Variants in RBM25 observed in about 807,000 individuals in gnomAD.
RBM25 encodes the protein RNA-binding protein 25.
A neutral mutation model predicts 120.7 loss-of-function variants in RBM25; 19 were observed. The ratio of observed to expected loss-of-function variants is 0.16; its 90% confidence interval spans 0.11 to 0.23. The LOEUF is 0.23. Among genes scored for constraint, RBM25 ranks in the 10% least tolerant of loss-of-function variants. RBM25 has a pLI of 1.00. For synonymous variants in RBM25, 390 were observed against 326.7 expected, an observed-to-expected ratio of 1.19 and a Z score of -2.09; for missense variants, 605 against 1,041.5, an observed-to-expected ratio of 0.58 and a Z score of 5.77.
chr14:73,070,759 C>T (rs1895267845), intron 1 of RBM25, among the ~76,000 whole-genome samples: 1 of 151,956 alleles, frequency 6.6e-6, no homozygotes, highest in Non-Finnish European at 1.5e-5. Context: ...CCATCTTGGC[C>T]AACATGGTGA....
At chr14:73,072,133 G>A (rs61985128) in intron 2 of RBM25, among the ~76,000 whole-genome samples, 1 of 151,988 alleles carries the variant, frequency 6.6e-6, no homozygotes, top group Non-Finnish European at 1.5e-5. Context: ...CACCATGCCT[G>A]GCTAAGTTTT....
At position 73,094,616 on chromosome 14, in the gene RBM25, A is replaced by G. The variant is rs184540438; in HGVS notation, c.544-2299A>G. Among the ~76,000 whole-genome samples the G allele has an allele frequency of 5.3e-5, 8 of 151,882 alleles. No homozygotes were observed. In the East Asian group the frequency reaches 1.6e-3, roughly 30 times the overall value. ...CCGGCTAATTTTTTGTGTTTTTAGT[A>G]GAGACGGGGTTTCACCATGTTAGCC... is the stretch of plus-strand genomic sequence containing the variant. On this transcript the variant is annotated intron_variant, in intron 6 of 18. Transcript: ENST00000261973.
intron 5 of RBM25, among the ~76,000 whole-genome samples, chr14:73,084,059 G>A (rs149805583): frequency 0.041 from 6,219 of 151,980 alleles, 233 homozygotes; most frequent in East Asian, 0.2. Context: ...CACCATGCCC[G>A]GCTAATTTTT....
intron 14 of RBM25, among the ~76,000 whole-genome samples, chr14:73,110,304 G>C (rs214290): frequency 0.71 from 107,277 of 151,826 alleles, 38,380 homozygotes; most frequent in East Asian, 0.86. Flanking sequence ...CCTCTACCTC[G>C]TGAGTATCTG....
At chr14:73,109,313 A>T (rs1158113147) in intron 13 of RBM25, 29 bp from the exon 14 acceptor site, 1 of 1,600,930 alleles carries the variant, frequency 6.2e-7, no homozygotes, top group Admixed American at 1.7e-5. Context: ...GGAGTATTAA[A>T]TGAAGCCTTT....
At chr14:73,061,628 G>A (rs1250744861) in intron 1 of RBM25, among the ~76,000 whole-genome samples, 1 of 151,188 alleles carries the variant, frequency 6.6e-6, no homozygotes, top group Non-Finnish European at 1.5e-5. Context: ...GGGCAGTGCT[G>A]CGATCTTGGC....
In RBM25 at chr14:73,111,650, C is replaced by A. The variant is rs1319317032; in HGVS notation, c.2140C>A (p.Pro714Thr). Reference sequence around the variant, plus strand: ...CGTACCCCGAAAAAGGAAACTGGTTCCCTTGGATTATGGTGAAGATGATAA... The same window carrying A: ...CGTACCCCGAAAAAGGAAACTGGTTACCTTGGATTATGGTGAAGATGATAA... ...DDVPRKRKLV[P>T]LDYGEDDKNA... The change falls in exon 16 of 19, where the codon CCC becomes ACC. Residue 714 changes from proline to threonine, a missense_variant. Around this residue, in one of 4 missense-constraint regions of RBM25, gnomAD observed 465 missense variants for 741.6 expected, o/e 0.63. Coordinates refer to ENST00000261973, the MANE Select transcript of RBM25 (RefSeq NM_021239.3). 1 of 1,614,072 alleles carries A rather than the reference C, an allele frequency of 6.2e-7. No homozygotes were observed. The highest frequency in any genetic ancestry group is 1.7e-5 in the Admixed American group (1 of 60,006).
chr14:73,103,325 A>G lies in RBM25; in HGVS notation c.1001A>G (p.Glu334Gly). 1 of 1,587,512 alleles carries G rather than the reference A, an allele frequency of 6.3e-7. No individual in the cohort carries two copies. Among genetic ancestry groups the G allele is most frequent in the Non-Finnish European group, 8.6e-7 (1 of 1,165,556 alleles). Reference sequence around the variant, plus strand: ...GAACGAGAAAGGGAAAGAGAACGTGAACGAGAAAAGGAGAAAGAACGGGAG... The same window carrying G: ...GAACGAGAAAGGGAAAGAGAACGTGGACGAGAAAAGGAGAAAGAACGGGAG... ...ERERERERER[E>G]REKEKERERE... is the part of the protein sequence containing the mutation. Residue 334 changes from glutamate to glycine, a missense_variant, in exon 10 of 19, where the codon GAA becomes GGA. Physicochemically the swap from Glu to Gly is moderately conservative, Grantham distance 98 (BLOSUM62 -2). This residue lies in a region of RBM25 where 465 missense variants were observed against 741.6 expected (regional missense o/e 0.63). Transcript: ENST00000261973.
chr14:73,109,366 G>A lies in RBM25; in HGVS notation c.1566G>A (p.Leu522=). 1 of 1,613,998 alleles carries A rather than the reference G, an allele frequency of 6.2e-7. No individual in the cohort carries two copies. The highest frequency in any genetic ancestry group is 8.5e-7 in the Non-Finnish European group (1 of 1,179,938). The part of the protein sequence containing the change: ...YYRGSALQKR[L]RDREKEMEAD... ...GAGGAAGTGCTCTTCAGAAAAGGTT[G>A]CGTGATAGAGAAAAGGAAATGGAAG... is the stretch of plus-strand genomic sequence containing the variant. Residue 522 remains leucine (L), a synonymous_variant, in exon 14 of 19, where the codon TTG becomes TTA. Coordinates refer to ENST00000261973, the MANE Select transcript of RBM25 (RefSeq NM_021239.3).
At chr14:73,062,441 C>T (rs1206884725) in intron 1 of RBM25, among the ~76,000 whole-genome samples, 2 of 151,256 alleles carry the variant, frequency 1.3e-5, no homozygotes, top group East Asian at 3.8e-4. Context: ...AAATTTGGCA[C>T]GTAGTGTACT....
Position 73,106,264 on chromosome 14 carries a change from A to G in RBM25, c.1446A>G (p.Glu482=). Residue 482 remains glutamate (E), a synonymous_variant, in exon 12 of 19, where the codon GAA becomes GAG. Coordinates refer to ENST00000261973, the MANE Select transcript of RBM25 (RefSeq NM_021239.3). ...AATATGAGAAAGAAGCTGAAAGAGA[A>G]GAAGAAAGAAGAAGAGAAATGGTAA... ...TREYEKEAER[E]EERRREMAKE... is the part of the protein sequence containing the mutation. 6.3e-7 allele frequency: 1 copy of G among 1,595,710 alleles called. No individual in the cohort carries two copies. The highest frequency in any genetic ancestry group is 1.2e-5 in the South Asian group (1 of 86,484).
At chr14:73,085,343 C>T (rs763175284) in intron 5 of RBM25, among the ~76,000 whole-genome samples, 1 of 139,796 alleles carries the variant, frequency 7.2e-6, no homozygotes, top group African/African-American at 2.5e-5. Flanking sequence ...TTGAAGAATT[C>T]TGTCATTCTT....
intron 2 of RBM25, among the ~76,000 whole-genome samples, chr14:73,072,670 C>T (rs1843147543): frequency 1.3e-5 from 2 of 152,222 alleles, no homozygotes; most frequent in Admixed American, 6.5e-5. Context: ...ATTGCTTATG[C>T]TGGGTGTGGT....
At chr14:73,067,663 G>T (rs942912529) in intron 1 of RBM25, among the ~76,000 whole-genome samples, 2 of 150,622 alleles carry the variant, frequency 1.3e-5, no homozygotes, top group Non-Finnish European at 3.0e-5. Context: ...GAGTGCAGTG[G>T]CGCGATCTTG....
chr14:73,117,227 T>A (rs1313879046), intron 18 of RBM25, among the ~76,000 whole-genome samples: 1 of 119,594 alleles, frequency 8.4e-6, no homozygotes, highest in African/African-American at 3.2e-5. Flanking sequence ...TTTTTTTTTT[T>A]TTTTTTTTTT....
At chr14:73,115,079 A>T (rs950789789) in intron 18 of RBM25, among the ~76,000 whole-genome samples, 1 of 152,118 alleles carries the variant, frequency 6.6e-6, no homozygotes, top group African/African-American at 2.4e-5. Flanking sequence ...TAATGGAGGT[A>T]GAGGAGATAG....
At chr14:73,069,183 C>T (rs149582636) in intron 1 of RBM25, among the ~76,000 whole-genome samples, 20 of 152,308 alleles carry the variant, frequency 1.3e-4, no homozygotes, top group Admixed American at 3.3e-4. Flanking sequence ...GGATTGCAGA[C>T]GTGAGCCACC....
Position 73,088,237 on chromosome 14 carries a change from TC to T in RBM25, c.543+77del, listed in dbSNP as rs2140441071. On this transcript the variant is annotated intron_variant, in intron 6 of 18. Coordinates refer to ENST00000261973, the MANE Select transcript of RBM25 (RefSeq NM_021239.3). ...TGTAGTGCTTCTCATTATAAATGAA[TC>T]TAATATGGGGCTTCAAAAGATCATC... 5 of 1,540,548 alleles carry T rather than the reference TC, an allele frequency of 3.2e-6. No individual in the cohort carries two copies. In the Admixed American group the frequency reaches 8.4e-5, roughly 26 times the overall value.
intron 18 of RBM25, among the ~76,000 whole-genome samples, chr14:73,116,588 T>C (rs1163610890): frequency 6.6e-6 from 1 of 152,202 alleles, no homozygotes. Flanking sequence ...ATTTCAGTCC[T>C]TGGGGCTGAA....
Sources: gnomAD v4.1 joint callset for allele counts (sites outside exome capture counted in the v4.1 genomes callset) on GRCh38, gnomAD v4.1.1 for gene constraint, gnomAD v4.1.1 regional missense constraint, MANE v1.5 for transcripts, NCBI Gene and HGNC (gene_info 2026-07-23, HGNC 2026-07-21) for gene names.